Variants in GARNL3 observed in about 807,000 individuals in gnomAD.
GARNL3 encodes the protein GTPase-activating Rap/Ran-GAP domain-like protein 3.
Under a neutral mutation model 125.0 loss-of-function variants are expected in GARNL3, and 63 were observed. That is an observed-to-expected ratio of 0.50 (90% CI 0.41 to 0.62). The LOEUF (loss-of-function observed/expected upper bound fraction) is 0.62, where lower values mean the gene tolerates loss of function less well. GARNL3 is among the 20% of genes least tolerant of loss of function. GARNL3 has a pLI of 0.00. For missense variants in GARNL3, 994 were observed against 1,244.0 expected (o/e 0.80, Z 3.02); for synonymous variants, 439 against 457.5 (o/e 0.96, Z 0.52).
chr9:127,230,980 A>G (rs573966398), intron 1 of GARNL3, among the ~76,000 whole-genome samples: 83 of 145,664 alleles, frequency 5.7e-4, no homozygotes, highest in Non-Finnish European at 4.0e-4. Flanking sequence ...GTGTGTGTGT[A>G]TACACATATA....
At chr9:127,257,734 G>C (rs2063517630) in intron 2 of GARNL3, among the ~76,000 whole-genome samples, 1 of 152,214 alleles carries the variant, frequency 6.6e-6, no homozygotes, top group Non-Finnish European at 1.5e-5. Flanking sequence ...GGCAGTTGTT[G>C]GGGGGTGCAG....
chr9:127,319,342 T>A (rs746068219), intron 5 of GARNL3, among the ~76,000 whole-genome samples: 11 of 151,826 alleles, frequency 7.2e-5, no homozygotes, highest in Non-Finnish European at 1.5e-4. Context: ...ATTAGCCAGG[T>A]GTGGTGGCAC....
chr9:127,332,414 G>T, intron 8 of GARNL3, 65 bp downstream of exon 8: 1 of 1,281,152 alleles, frequency 7.8e-7, no homozygotes, highest in Non-Finnish European at 1.1e-6. Context: ...ATTCTTGCCA[G>T]TTGGAGCTTA....
intron 2 of GARNL3, chr9:127,300,396 T>C: frequency 2.7e-6 from 1 of 368,600 alleles, no homozygotes; most frequent in South Asian, 2.1e-5. Context: ...ACCTCTCTTT[T>C]GTATTTTATT....
chr9:127,258,706 C>T (rs1464715859), upstream of GARNL3, among the ~76,000 whole-genome samples: 3 of 152,196 alleles, frequency 2.0e-5, no homozygotes, highest in African/African-American at 7.2e-5. Context: ...TACTTATCTT[C>T]AGGAGGAGAG....
chr9:127,243,088 C>T, exon 2 of GARNL3: 2 of 1,358,980 alleles, frequency 1.5e-6, no homozygotes, highest in East Asian at 9.2e-5. Context: ...GGACAGCTGC[C>T]CAGCCTCCAG....
intron 22 of GARNL3, among the ~76,000 whole-genome samples, chr9:127,372,642 C>T (rs892968151): frequency 1.3e-5 from 2 of 152,176 alleles, no homozygotes; most frequent in African/African-American, 4.8e-5. Context: ...GAACAACACA[C>T]TTCTTTTTGC....
At chr9:127,271,937 G>A (rs575983442) in intron 1 of GARNL3, among the ~76,000 whole-genome samples, 4 of 150,324 alleles carry the variant, frequency 2.7e-5, no homozygotes, top group South Asian at 2.1e-4. Context: ...CTGCTATATA[G>A]GAAATAAATA....
intron 19 of GARNL3, 35 bp downstream of exon 19, chr9:127,354,445 G>GTT (rs374579226): frequency 8.6e-4 from 897 of 1,045,582 alleles, no homozygotes; most frequent in South Asian, 1.5e-3. Context: ...CATTCGATTC[G>GTT]TTTTTTTTTT....
At chr9:127,294,565 A>G (rs2812275) in intron 2 of GARNL3, among the ~76,000 whole-genome samples, 152,244 of 152,336 alleles carry the variant, frequency 1, 76,077 homozygotes, top group Middle Eastern at 1. Context: ...GCCTCCCAAC[A>G]TGCTGGGATT....
chr9:127,332,125 G>A (rs1443550677), intron 7 of GARNL3, 149 bp from the exon 8 acceptor site: 9 of 657,358 alleles, frequency 1.4e-5, no homozygotes, highest in Middle Eastern at 5.1e-4. Flanking sequence ...TGTTAACATT[G>A]GTCAATAACC....
intron 1 of GARNL3, among the ~76,000 whole-genome samples, chr9:127,269,402 T>C (rs1376533480): frequency 6.6e-6 from 1 of 152,166 alleles, no homozygotes; most frequent in Non-Finnish European, 1.5e-5. Context: ...CCTGTTGGAG[T>C]CCTGCTTTTG....
chr9:127,269,646 T>C (rs893528343), intron 1 of GARNL3, among the ~76,000 whole-genome samples: 6 of 152,272 alleles, frequency 3.9e-5, no homozygotes, highest in African/African-American at 1.4e-4. Flanking sequence ...GTGGCTTTGA[T>C]TTGCATTTCC....
intron 21 of GARNL3, 48 bp downstream of exon 21, chr9:127,357,425 A>G (rs915318170): frequency 6.4e-7 from 1 of 1,570,070 alleles, no homozygotes; most frequent in Non-Finnish European, 8.7e-7. Context: ...AAGAGTAATC[A>G]TCGTTGTGTA....
chr9:127,349,854 T>C (rs915670456), intron 17 of GARNL3, among the ~76,000 whole-genome samples: 2 of 152,214 alleles, frequency 1.3e-5, no homozygotes, highest in Non-Finnish European at 2.9e-5. Context: ...AGTCTCTGGT[T>C]ACCGTAGTGA....
At chr9:127,325,232 A>G (rs551038057) in intron 7 of GARNL3, 137 bp downstream of exon 7, 7 of 759,172 alleles carry the variant, frequency 9.2e-6, no homozygotes, top group African/African-American at 8.9e-5. Context: ...CATTGCGCGG[A>G]AAGAACTTAC....
rs766919446 is a variant in GARNL3, at chr9:127,389,096, G to T, written c.2720G>T (p.Ser907Ile). The stretch of plus-strand genomic sequence containing the variant: ...CGCATGGAGATCAAAGAAATAGCAA[G>T]CAGGACCCGCAGGGAACTACTGGGT... ...LSRMEIKEIASRTRRELLGLS... is the reference protein window; with the variant it reads ...LSRMEIKEIAIRTRRELLGLS... Residue 907 changes from serine (S) to isoleucine (I), a missense_variant, in exon 26 of 28, where the codon AGC becomes ATC. Transcript: ENST00000373387. 6.2e-7 allele frequency: 1 copy of T among 1,613,842 alleles called. No homozygotes were observed. The highest frequency in any genetic ancestry group is 1.7e-5 in the Admixed American group (1 of 60,020).
At chr9:127,241,915 G>A (rs1247656201) in intron 1 of GARNL3, among the ~76,000 whole-genome samples, 1 of 152,012 alleles carries the variant, frequency 6.6e-6, no homozygotes, top group Admixed American at 6.6e-5. Flanking sequence ...TTACAGGCGT[G>A]AGCCACTATG....
chr9:127,386,555 AT>A, intron 24 of GARNL3, among the ~76,000 whole-genome samples: 1 of 152,374 alleles, frequency 6.6e-6, no homozygotes, highest in South Asian at 2.1e-4. Context: ...GTTGGTGTCA[AT>A]AACTCCAGAG....
Sources: allele counts gnomAD v4.1 joint callset (sites outside exome capture counted in the v4.1 genomes callset), GRCh38; gene constraint gnomAD v4.1.1; transcripts MANE v1.5; gene names NCBI Gene and HGNC (gene_info 2026-07-23, HGNC 2026-07-21).